CSTF2: variants seen among roughly 807,000 people sequenced by gnomAD.
The protein encoded by CSTF2 is cleavage stimulation factor subunit 2, also known as CF-1 64 kDa subunit.
CSTF2 carries 8 observed loss-of-function variants against 45.4 expected under a neutral mutation model. That is an observed-to-expected ratio of 0.18 (90% CI 0.10 to 0.32). The LOEUF is 0.32. Among genes scored for constraint, CSTF2 ranks in the 10% least tolerant of loss-of-function variants. The probability of loss-of-function intolerance (pLI) is 1.00; values close to 1 mark genes in which losing one functional copy is unlikely to be tolerated. For missense variants in CSTF2, 253 were observed against 477.1 expected (o/e 0.53, Z 4.38); for synonymous variants, 155 against 158.9 (o/e 0.98, Z 0.18).
intron 8 of CSTF2, among the ~76,000 whole-genome samples, chrX:100,829,263 G>C (rs188206545): frequency 1.4e-3 from 157 of 111,725 alleles, no homozygotes; most frequent in Non-Finnish European, 1.1e-3. Context: ...GCTGAGGTGG[G>C]TGGATTGCTT....
intron 6 of CSTF2, among the ~76,000 whole-genome samples, 187 bp from the exon 7 acceptor site, chrX:100,826,447 C>T (rs765954455): frequency 7.2e-5 from 8 of 110,811 alleles, no homozygotes; most frequent in South Asian, 3.9e-4. Context: ...AGGCTCATGA[C>T]GTATATTGCT....
chrX:100,823,167 T>G, intron 3 of CSTF2, 125 bp from the exon 4 acceptor site: 1 of 756,476 alleles, frequency 1.3e-6, no homozygotes, highest in East Asian at 3.4e-5. Flanking sequence ...CATCATTTAT[T>G]TCTCAGCTCT....
At chrX:100,820,687 A>G (rs756818385) in intron 1 of CSTF2, 7 of 512,576 alleles carry the variant, frequency 1.4e-5, no homozygotes, top group African/African-American at 7.0e-5. Flanking sequence ...GGGAAGTTAG[A>G]CTAGCGTTCA....
chrX:100,828,031 A>T lies in CSTF2; in HGVS notation c.827-9A>T, dbSNP rs2084954015. On this transcript the variant is annotated splice_polypyrimidine_tract_variant and intron_variant, in intron 7 of 13. Transcript: ENST00000372972. ...TGGTGTTTTTTCTTGTCTGCCCTTT[A>T]TCTTCTAGGAGGAATGCAGGCTCAG... 8.3e-7 allele frequency: 1 copy of T among 1,200,602 alleles called. No homozygotes were observed. Among genetic ancestry groups the T allele is most frequent in the Admixed American group, 2.2e-5 (1 of 44,881 alleles).
chrX:100,823,195 C>T, intron 3 of CSTF2, 97 bp from the exon 4 acceptor site: 1 of 955,720 alleles, frequency 1.0e-6, no homozygotes, highest in Non-Finnish European at 1.4e-6. Context: ...CTAAAATTAT[C>T]AGCTGGTTCT....
chrX:100,833,456 C>A lies in CSTF2; in HGVS notation c.1484C>A (p.Pro495His), dbSNP rs753624981. 1.7e-6 allele frequency: 2 copies of A among 1,206,492 alleles called. No individual in the cohort carries two copies. Among genetic ancestry groups the A allele is most frequent in the South Asian group, 3.6e-5 (2 of 56,003 alleles). The change falls in exon 11 of 14, where the codon CCC (proline) becomes CAC (histidine). Residue 495 changes from proline to histidine, a missense_variant. Around this residue, in one of 3 missense-constraint regions of CSTF2, gnomAD observed 200 missense variants for 294.0 expected, o/e 0.68. Transcript: ENST00000372972. ...CCAATTAACATGGGGGCGGTTGTCC[C>A]CCAGGGATCCAGACAGGTATGTGTA... Reference protein sequence around the residue: ...PSPINMGAVVPQGSRQVPVMQ... With the variant: ...PSPINMGAVVHQGSRQVPVMQ...
intron 1 of CSTF2, among the ~76,000 whole-genome samples, chrX:100,820,809 AGACTATATGCT>A (rs1259136145): frequency 8.9e-6 from 1 of 111,931 alleles, no homozygotes; most frequent in African/African-American, 3.3e-5. Flanking sequence ...CCCAGAATAC[AGACTATATGCT>A]GAGGGTATAG....
intron 11 of CSTF2, among the ~76,000 whole-genome samples, chrX:100,837,070 G>T (rs759344612): frequency 8.9e-6 from 1 of 112,084 alleles, no homozygotes; most frequent in East Asian, 2.8e-4. Context: ...GCTGAATTTT[G>T]ATTAATTCAG....
intron 12 of CSTF2, 44 bp downstream of exon 12, chrX:100,837,493 C>A: frequency 1.1e-6 from 1 of 895,214 alleles, no homozygotes; most frequent in Non-Finnish European, 1.6e-6. Context: ...CAATTCTAGC[C>A]TTTTTGATTC....
At chrX:100,838,094 G>T in intron 12 of CSTF2, 145 bp from the exon 13 acceptor site, 1 of 519,391 alleles carries the variant, frequency 1.9e-6, no homozygotes, top group Non-Finnish European at 2.8e-6. Context: ...TTTTCTGTGT[G>T]AAATGTTCTT....
At chrX:100,820,644 C>T (rs1395362866) in intron 1 of CSTF2, 170 bp downstream of exon 1, 1 of 553,871 alleles carries the variant, frequency 1.8e-6, no homozygotes, top group Non-Finnish European at 3.2e-6. Context: ...TCCCATTCTG[C>T]CGAGGTCTCG....
intron 6 of CSTF2, among the ~76,000 whole-genome samples, chrX:100,824,613 GA>G (rs774843184): frequency 1.8e-5 from 2 of 111,396 alleles, no homozygotes; most frequent in South Asian, 7.5e-4. Context: ...TCTTACTGAT[GA>G]AAAAAGTAAA....
Position 100,832,844 on chromosome X carries a change from G to C in CSTF2, c.1142G>C (p.Arg381Thr). The change falls in exon 10 of 14, where the codon AGA becomes ACA. Residue 381 changes from arginine to threonine, a missense_variant. By Grantham distance (71) the Arg-to-Thr change is moderately conservative. Transcript: ENST00000372972. The stretch of plus-strand genomic sequence containing the variant: ...AGGGGAGGGCCATTACCCGAGCCCA[G>C]ACCTCTAATGGCAGAACCAAGAGGA... ...ELRGGPLPEP[R>T]PLMAEPRGPM... 1 of 1,209,491 alleles carries C rather than the reference G, an allele frequency of 8.3e-7. No individual in the cohort carries two copies. Among genetic ancestry groups the C allele is most frequent in the Non-Finnish European group, 1.1e-6 (1 of 894,226 alleles).
In CSTF2 at chrX:100,827,176, A is replaced by T. The variant is rs775351477; in HGVS notation, c.826+419A>T. 5.3e-5 allele frequency among the ~76,000 whole-genome samples: 6 copies of T among 112,726 alleles called. No individual in the cohort carries two copies. The South Asian group carries it at 2.2e-3, about 41-fold the overall frequency. Reference sequence around the variant, plus strand: ...ACTGTCAGATTAGGTTCAAAAGCTCATGAAGAAAACAGACAAAAAAATACA... The same window carrying T: ...ACTGTCAGATTAGGTTCAAAAGCTCTTGAAGAAAACAGACAAAAAAATACA... On this transcript the variant is annotated intron_variant, in intron 7 of 13. Coordinates refer to ENST00000372972, the MANE Select transcript of CSTF2 (RefSeq NM_001325.3).
At chrX:100,836,613 G>T (rs1456398187) in intron 11 of CSTF2, among the ~76,000 whole-genome samples, 1 of 111,739 alleles carries the variant, frequency 8.9e-6, no homozygotes, top group African/African-American at 3.3e-5. Flanking sequence ...GTACTCAAGA[G>T]GTCTTTTCCT....
rs1367248969 is a variant in CSTF2 at position 100,838,168 on chromosome X, T to TTTTTG, written c.1612-59_1612-55dup. On this transcript the variant is annotated intron_variant, in intron 12 of 13. Coordinates refer to ENST00000372972, the MANE Select transcript of CSTF2 (RefSeq NM_001325.3). Reference sequence around the variant, plus strand: ...TTTTGGACAGAAGCTGGTGGTGGGTTTTTTGTTTTGTTTTGTATTTTTTAG... The same window carrying TTTTTG: ...TTTTGGACAGAAGCTGGTGGTGGGTTTTTTGTTTTGTTTTGTTTTGTATTTTTTAG... 5 of 1,030,561 alleles carry TTTTTG rather than the reference T, an allele frequency of 4.9e-6. No individual in the cohort carries two copies. The African/African-American group carries it at 5.9e-5, about 12-fold the overall frequency. The allele number at this position is 1,030,561 out of a possible 1,213,427, so 84.9% of individuals were successfully genotyped here. A position where few individuals can be genotyped will look rare whatever the true frequency, so the allele number is the denominator to read the frequency against.
intron 8 of CSTF2, 57 bp from the exon 9 acceptor site, chrX:100,831,458 T>A: frequency 8.4e-7 from 1 of 1,188,441 alleles, no homozygotes; most frequent in Non-Finnish European, 1.1e-6. Context: ...ATAGAGTCAT[T>A]TCTTGTTTGC....
At chrX:100,825,808 A>C (rs1441063877) in intron 6 of CSTF2, among the ~76,000 whole-genome samples, 2 of 109,230 alleles carry the variant, frequency 1.8e-5, no homozygotes, top group Non-Finnish European at 3.8e-5. Flanking sequence ...TCAGAGATAG[A>C]AAAAAAAAGC....
At chrX:100,833,514 A>G (rs1405023428) in intron 11 of CSTF2, 42 bp downstream of exon 11, 1 of 1,135,546 alleles carries the variant, frequency 8.8e-7, no homozygotes, top group Non-Finnish European at 1.2e-6. Flanking sequence ...TGAAATCTTG[A>G]TCTATTCAGG....
Sources: allele counts gnomAD v4.1 joint callset (sites outside exome capture counted in the v4.1 genomes callset), GRCh38; gene constraint gnomAD v4.1.1; regional missense constraint gnomAD v4.1.1; transcripts MANE v1.5; gene names NCBI Gene and HGNC (gene_info 2026-07-23, HGNC 2026-07-21).